CCDC170: variants seen among roughly 807,000 people sequenced by gnomAD.
CCDC170 encodes coiled-coil domain-containing protein 170.
CCDC170 carries 69 observed loss-of-function variants against 72.6 expected under a neutral mutation model. That is an observed-to-expected ratio of 0.95 (90% confidence interval 0.78 to 1.16). The LOEUF (loss-of-function observed/expected upper bound fraction) is 1.16, where lower values mean the gene tolerates loss of function less well. Among genes scored for constraint, CCDC170 ranks in the 50% most tolerant of loss-of-function variants. CCDC170 has a pLI of 0.00. For synonymous variants in CCDC170, 300 were observed against 303.9 expected (o/e 0.99, Z 0.13); for missense variants, 852 against 832.5 (o/e 1.02, Z -0.29).
intron 5 of CCDC170, among the ~76,000 whole-genome samples, chr6:151,553,344 C>T (rs1343969435): frequency 2.0e-5 from 3 of 152,090 alleles, no homozygotes; most frequent in Non-Finnish European, 4.4e-5. Context: ...CAGTTACATC[C>T]TACATACAAG....
At chr6:151,514,676 G>A (rs1325260809) in intron 1 of CCDC170, among the ~76,000 whole-genome samples, 5 of 152,174 alleles carry the variant, frequency 3.3e-5, no homozygotes, top group African/African-American at 1.2e-4. Context: ...ACCTTAAGGA[G>A]TTTATTCCTT....
chr6:151,541,703 T>C lies in CCDC170; in HGVS notation c.444-2869T>C, dbSNP rs1343579977. On this transcript the variant is annotated intron_variant, in intron 3 of 10. Coordinates refer to ENST00000239374, the MANE Select transcript of CCDC170 (RefSeq NM_025059.4). ...TTAATAATTACTTAAAACCTCATGA[T>C]TATAGAAAAGCTATAATTAATATTA... Among the ~76,000 whole-genome samples, 3 of 151,374 alleles carry C rather than the reference T, an allele frequency of 2.0e-5. No individual in the cohort carries two copies. In the East Asian group the frequency reaches 5.8e-4, roughly 29 times the overall value.
intron 6 of CCDC170, among the ~76,000 whole-genome samples, chr6:151,583,654 C>T (rs936961865): frequency 6.6e-6 from 1 of 151,972 alleles, no homozygotes; most frequent in African/African-American, 2.4e-5. Flanking sequence ...GATGGGGTTT[C>T]GCCATGTTGG....
At chr6:151,616,339 G>A (rs1418550027) in intron 10 of CCDC170, among the ~76,000 whole-genome samples, 1 of 152,092 alleles carries the variant, frequency 6.6e-6, no homozygotes, top group East Asian at 1.9e-4. Flanking sequence ...TTTATCTAGT[G>A]AGTCCATCAG....
chr6:151,506,923 G>C (rs141252918), intron 1 of CCDC170, among the ~76,000 whole-genome samples: 1 of 152,156 alleles, frequency 6.6e-6, no homozygotes, highest in Non-Finnish European at 1.5e-5. Context: ...CCTGGGTCTC[G>C]GGGCTGCTGG....
intron 9 of CCDC170, among the ~76,000 whole-genome samples, chr6:151,601,119 G>T (rs2115126347): frequency 6.6e-6 from 1 of 152,308 alleles, no homozygotes; most frequent in African/African-American, 2.4e-5. Context: ...TGGCTGGGAA[G>T]GCCTCATAAT....
intron 1 of CCDC170, among the ~76,000 whole-genome samples, chr6:151,525,063 G>A (rs1462503559): frequency 1.3e-5 from 2 of 151,558 alleles, no homozygotes; most frequent in Non-Finnish European, 2.9e-5. Flanking sequence ...CTCCCTAGTG[G>A]CTGGGACTAT....
intron 9 of CCDC170, among the ~76,000 whole-genome samples, chr6:151,614,188 T>C (rs1583052786): frequency 6.6e-6 from 1 of 152,212 alleles, no homozygotes; most frequent in African/African-American, 2.4e-5. Context: ...ATTCACAGTG[T>C]TGTGCAACCA....
Position 151,582,477 on chromosome 6 carries a change from G to T in CCDC170, c.1093-3412G>T, listed in dbSNP as rs758898331. Among the ~76,000 whole-genome samples the T allele has an allele frequency of 4.6e-5, 7 of 152,136 alleles. No homozygotes were observed. In the East Asian group the frequency reaches 1.3e-3, roughly 29 times the overall value. On this transcript the variant is annotated intron_variant, in intron 6 of 10. Coordinates refer to ENST00000239374, the MANE Select transcript of CCDC170 (RefSeq NM_025059.4). ...TTGGCTTAAGGGAATGTTATGGCTG[G>T]TTTGATGTCTATTCAGACCACTCAA...
chr6:151,533,526 G>C (rs936544505), intron 1 of CCDC170, among the ~76,000 whole-genome samples: 10 of 151,918 alleles, frequency 6.6e-5, no homozygotes, highest in Admixed American at 1.3e-4. Flanking sequence ...AATTAGCAGG[G>C]CGTGGTGGCA....
chr6:151,514,966 C>T (rs904791276), intron 1 of CCDC170, among the ~76,000 whole-genome samples: 11 of 152,196 alleles, frequency 7.2e-5, no homozygotes, highest in Non-Finnish European at 2.9e-5. Context: ...TAAATGAGGC[C>T]TTCACACTCA....
Position 151,620,711 on chromosome 6 carries a change from A to G in CCDC170, c.*2564A>G, listed in dbSNP as rs533286473. The G allele has an allele frequency of 2.0e-4, 31 of 152,216 alleles. No homozygotes were observed. The highest frequency in any genetic ancestry group is 1.7e-3 in the Admixed American group (26 of 15,290). The allele number at this position is 152,216 out of a possible 1,614,324, so 9.4% of individuals were successfully genotyped here. A position where few individuals can be genotyped will look rare whatever the true frequency, so the allele number is the denominator to read the frequency against. ...ACATTCTCTTTGTTTTCATTTTCCA[A>G]ATATAATCTTTAATAAACTTGATTT... On this transcript the variant is annotated 3_prime_UTR_variant, in exon 11 of 11. Coordinates refer to ENST00000239374, the MANE Select transcript of CCDC170 (RefSeq NM_025059.4).
At chr6:151,611,931 G>A (rs1461927017) in intron 9 of CCDC170, among the ~76,000 whole-genome samples, 1 of 151,984 alleles carries the variant, frequency 6.6e-6, no homozygotes. Context: ...GGCTGGTCTC[G>A]AACTCCTGAC....
chr6:151,582,398 T>G (rs1484365766), intron 6 of CCDC170, among the ~76,000 whole-genome samples: 2 of 152,218 alleles, frequency 1.3e-5, no homozygotes, highest in African/African-American at 2.4e-5. Context: ...CTTCTTCACC[T>G]CTCTTAGGCT....
At chr6:151,617,104 G>A (rs1415784602) in intron 10 of CCDC170, among the ~76,000 whole-genome samples, 1 of 152,198 alleles carries the variant, frequency 6.6e-6, no homozygotes, top group Non-Finnish European at 1.5e-5. Flanking sequence ...ACTGTATTCA[G>A]TTTGGATCAT....
At chr6:151,617,034 C>T (rs755856399) in intron 10 of CCDC170, among the ~76,000 whole-genome samples, 4 of 152,140 alleles carry the variant, frequency 2.6e-5, no homozygotes, top group Admixed American at 6.5e-5. Flanking sequence ...GCAAGGGAAG[C>T]GGGTTGCAGA....
intron 1 of CCDC170, among the ~76,000 whole-genome samples, chr6:151,504,163 A>G (rs1239240077): frequency 6.6e-6 from 1 of 152,242 alleles, no homozygotes; most frequent in Non-Finnish European, 1.5e-5. Flanking sequence ...TGATTCAGCA[A>G]TCATATTGTA....
At position 151,605,898 on chromosome 6, in the gene CCDC170, C is replaced by T. The variant is rs201173610; in HGVS notation, c.1710+9321C>T. On this transcript the variant is annotated intron_variant, in intron 9 of 10. Coordinates refer to ENST00000239374, the MANE Select transcript of CCDC170 (RefSeq NM_025059.4). ...CAGTGCCACCAGCTTGCTTCTATGC[C>T]GCCATTTTTTTTTTTTTTTTTGAGA... Among the ~76,000 whole-genome samples the T allele has an allele frequency of 1.3e-4, 13 of 99,744 alleles. No individual in the cohort carries two copies. The South Asian group carries it at 1.5e-3, about 11-fold the overall frequency. 65.4% of individuals were successfully genotyped at this position (99,744 alleles called of 152,430 possible). A position where few individuals can be genotyped will look rare whatever the true frequency, so the allele number is the denominator to read the frequency against.
chr6:151,586,307 C>T (rs116661167), intron 7 of CCDC170, among the ~76,000 whole-genome samples: 1,716 of 152,108 alleles, frequency 0.011, 30 homozygotes, highest in African/African-American at 0.039. Flanking sequence ...ATATGAGGTC[C>T]TAAAGGTTTG....
Sources: allele counts gnomAD v4.1 joint callset (sites outside exome capture counted in the v4.1 genomes callset), GRCh38; gene constraint gnomAD v4.1.1; transcripts MANE v1.5; gene names NCBI Gene and HGNC (gene_info 2026-07-23, HGNC 2026-07-21).